Variants in OVCH1 observed in about 807,000 individuals in gnomAD.
The protein encoded by OVCH1 is ovochymase-1.
A neutral mutation model predicts 138.4 loss-of-function variants in OVCH1; 139 were observed. The ratio of observed to expected loss-of-function variants is 1.00; its 90% confidence interval spans 0.87 to 1.16. The LOEUF (loss-of-function observed/expected upper bound fraction) is 1.16. Among genes scored for constraint, OVCH1 ranks in the 50% most tolerant of loss-of-function variants. OVCH1 has a pLI of 0.00. For missense variants in OVCH1, 1,367 were observed against 1,357.9 expected, an observed-to-expected ratio of 1.01 and a Z score of -0.11; for synonymous variants, 453 against 467.8, an observed-to-expected ratio of 0.97 and a Z score of 0.41.
At chr12:29,405,244 A>G in the OVCH1 span, among the ~76,000 whole-genome samples, 1 of 152,142 alleles carries the variant, frequency 6.6e-6, no homozygotes, top group African/African-American at 2.4e-5. Flanking sequence ...TCTTTTTAAA[A>G]CTACCATGCA....
intron 26 of OVCH1, chr12:29,439,239 C>T (rs1056658222): frequency 8.1e-7 from 1 of 1,229,138 alleles, no homozygotes; most frequent in African/African-American, 1.5e-5. Flanking sequence ...AAGTCCTTTT[C>T]CTTTATTTTG....
intron 18 of OVCH1, 119 bp from the exon 19 acceptor site, chr12:29,462,127 C>G: frequency 8.9e-7 from 1 of 1,118,570 alleles, no homozygotes; most frequent in Non-Finnish European, 1.3e-6. Context: ...TCAGTTTGGC[C>G]TGAGCTGATG....
Position 29,444,298 on chromosome 12 carries a change from A to T in OVCH1, c.2882-18T>A. The T allele has an allele frequency of 6.2e-7, 1 of 1,607,628 alleles. No homozygotes were observed. The highest frequency in any genetic ancestry group is 8.5e-7 in the Non-Finnish European group (1 of 1,176,824). ...CTTTGGACCTAAAAGAACAGGAAGC[A>T]GAGAAAATGAGAATAAAACCAATTT... is the stretch of plus-strand genomic sequence containing the variant. On this transcript the variant is annotated intron_variant, in intron 23 of 27. Transcript: ENST00000318184.
chr12:29,488,920 C>G (rs1820866827), intron 6 of OVCH1, among the ~76,000 whole-genome samples: 1 of 152,186 alleles, frequency 6.6e-6, no homozygotes, highest in Admixed American at 6.5e-5. Context: ...CTCCCAAACT[C>G]CTGTCATCGC....
intron 8 of OVCH1, among the ~76,000 whole-genome samples, chr12:29,483,142 C>A (rs1942987039): frequency 6.6e-6 from 1 of 152,152 alleles, no homozygotes; most frequent in South Asian, 2.1e-4. Context: ...GTTCCTATAA[C>A]CATACCTCTC....
At chr12:29,473,561 T>C (rs1159718096) in intron 14 of OVCH1, among the ~76,000 whole-genome samples, 1 of 152,138 alleles carries the variant, frequency 6.6e-6, no homozygotes, top group Non-Finnish European at 1.5e-5. Flanking sequence ...CAAGCTAATA[T>C]CTACATGTCT....
At chr12:29,417,585 A>G (rs1400692643) in intron 3 of OVCH1, among the ~76,000 whole-genome samples, 1 of 151,956 alleles carries the variant, frequency 6.6e-6, no homozygotes, top group Non-Finnish European at 1.5e-5. Flanking sequence ...CTAGGTAAAG[A>G]GTATATTGGG....
chr12:29,446,071 CCATTT>C (rs1282560681), intron 22 of OVCH1, among the ~76,000 whole-genome samples: 1 of 152,048 alleles, frequency 6.6e-6, no homozygotes, highest in African/African-American at 2.4e-5. Flanking sequence ...TTCTCCTTTC[CCATTT>C]CATTTTTTCT....
At chr12:29,470,983 T>G (rs1385345268) in intron 16 of OVCH1, among the ~76,000 whole-genome samples, 1 of 152,230 alleles carries the variant, frequency 6.6e-6, no homozygotes, top group Non-Finnish European at 1.5e-5. Flanking sequence ...TATTGAGCTT[T>G]TTTTCATATA....
chr12:29,478,779 C>G lies in OVCH1; in HGVS notation c.1069+56G>C, dbSNP rs1336548327. ...TTTTATTTTAGATCCTTTAGCATCTCTTTGGTCTTTCAGATACTCTAAAAT... is the reference window on the plus strand; with the variant it reads ...TTTTATTTTAGATCCTTTAGCATCTGTTTGGTCTTTCAGATACTCTAAAAT... On this transcript the variant is annotated intron_variant, in intron 9 of 27. Coordinates refer to ENST00000318184, the Ensembl canonical transcript of OVCH1. 4 of 1,273,630 alleles carry G rather than the reference C, an allele frequency of 3.1e-6. No individual in the cohort carries two copies. The African/African-American group carries it at 4.6e-5, about 15-fold the overall frequency. The allele number at this position is 1,273,630 out of a possible 1,614,324, so 78.9% of individuals were successfully genotyped here.
chr12:29,441,255 C>A (rs1248215129), intron 25 of OVCH1, among the ~76,000 whole-genome samples: 1 of 152,160 alleles, frequency 6.6e-6, no homozygotes, highest in Non-Finnish European at 1.5e-5. Flanking sequence ...CAGCATGGCA[C>A]TGGTACCAAA....
chr12:29,406,616 C>A, the OVCH1 span, among the ~76,000 whole-genome samples: 2 of 150,584 alleles, frequency 1.3e-5, no homozygotes, highest in Admixed American at 1.3e-4. Flanking sequence ...TCATCCATGT[C>A]CCTACAAAGG....
intron 24 of OVCH1, 23 bp from the exon 25 acceptor site, chr12:29,443,523 T>C: frequency 6.4e-7 from 1 of 1,563,944 alleles, no homozygotes; most frequent in Non-Finnish European, 8.7e-7. Flanking sequence ...TGAAACAAAG[T>C]CAGAAATTAT....
chr12:29,477,508 CA>C lies in OVCH1; in HGVS notation c.1113+26del. ...AAAGAAGAGAAGGAAAGTGAAATAA[CA>C]TTACTAAAAAGTGGTGGAAACTTAC... is the stretch of plus-strand genomic sequence containing the variant. On this transcript the variant is annotated intron_variant, in intron 10 of 27. Coordinates refer to ENST00000318184, the Ensembl canonical transcript of OVCH1. 3.1e-6 allele frequency: 5 copies of C among 1,613,896 alleles called. No homozygotes were observed. The African/African-American group carries it at 4.0e-5, about 13-fold the overall frequency.
intron 16 of OVCH1, among the ~76,000 whole-genome samples, chr12:29,468,551 G>A (rs138602580): frequency 8.5e-5 from 13 of 152,156 alleles, no homozygotes; most frequent in South Asian, 2.1e-4. Flanking sequence ...CTTTTTCTGC[G>A]TCTCTGTACT....
chr12:29,437,010 T>G (rs1337998575), intron 26 of OVCH1, among the ~76,000 whole-genome samples: 1 of 152,118 alleles, frequency 6.6e-6, no homozygotes, highest in Non-Finnish European at 1.5e-5. Context: ...TTTTACAGAG[T>G]GCTGACTGGT....
At chr12:29,493,434 T>C (rs897155559) in intron 4 of OVCH1, among the ~76,000 whole-genome samples, 1 of 152,184 alleles carries the variant, frequency 6.6e-6, no homozygotes, top group African/African-American at 2.4e-5. Flanking sequence ...AAGATTTGGA[T>C]ATCAATTATG....
intron 19 of OVCH1, among the ~76,000 whole-genome samples, chr12:29,457,986 T>A (rs117679705): frequency 1.2e-4 from 18 of 152,272 alleles, no homozygotes; most frequent in Non-Finnish European, 2.5e-4. Flanking sequence ...GGGCTTAGGC[T>A]CTAAGGCAAG....
intron 13 of OVCH1, among the ~76,000 whole-genome samples, 187 bp downstream of exon 13, chr12:29,476,019 A>C (rs903470309): frequency 7.9e-5 from 12 of 152,196 alleles, no homozygotes; most frequent in African/African-American, 2.9e-4. Context: ...ATTTCCATTA[A>C]AAACTTTACT....
Sources: gnomAD v4.1 joint callset for allele counts (sites outside exome capture counted in the v4.1 genomes callset) on GRCh38, gnomAD v4.1.1 for gene constraint, MANE v1.5 for transcripts, NCBI Gene and HGNC (gene_info 2026-07-23, HGNC 2026-07-21) for gene names.